Variants in LRMDA observed in about 807,000 individuals in gnomAD.
LRMDA encodes the protein leucine rich melanocyte differentiation associated.
Under a neutral mutation model 29.8 loss-of-function variants are expected in LRMDA, and 18 were observed. The ratio of observed to expected loss-of-function variants is 0.60; its 90% CI spans 0.42 to 0.90. The LOEUF (loss-of-function observed/expected upper bound fraction) is 0.90. Among genes scored for constraint, LRMDA ranks in the 40% least tolerant of loss-of-function variants. LRMDA has a pLI of 0.00. For synonymous variants in LRMDA, 125 were observed against 109.4 expected, an observed-to-expected ratio of 1.14 and a Z score of -0.89; for missense variants, 273 against 273.9, an observed-to-expected ratio of 1.00 and a Z score of 0.02.
intron 6 of LRMDA, among the ~76,000 whole-genome samples, chr10:76,517,327 G>A (rs1233799025): frequency 6.6e-6 from 1 of 152,092 alleles, no homozygotes; most frequent in Non-Finnish European, 1.5e-5. Flanking sequence ...AAAACAAAGA[G>A]AAGATTTTAT....
At chr10:76,262,412 A>G (rs1411660766) in intron 5 of LRMDA, among the ~76,000 whole-genome samples, 3 of 152,194 alleles carry the variant, frequency 2.0e-5, no homozygotes, top group African/African-American at 4.8e-5. Context: ...CGTGAAAAGA[A>G]CAAAGTGGGG....
At chr10:75,660,227 G>A (rs1168270429) in intron 2 of LRMDA, among the ~76,000 whole-genome samples, 2 of 152,140 alleles carry the variant, frequency 1.3e-5, no homozygotes, top group African/African-American at 2.4e-5. Flanking sequence ...ATCTTTTGAT[G>A]TCCCTTCCCT....
intron 2 of LRMDA, among the ~76,000 whole-genome samples, chr10:75,538,327 G>A (rs1249597134): frequency 6.6e-6 from 1 of 152,150 alleles, no homozygotes; most frequent in Non-Finnish European, 1.5e-5. Context: ...CCCTGCAGCA[G>A]TACTTGAAAC....
At chr10:75,730,455 C>G (rs1360734357) in intron 2 of LRMDA, among the ~76,000 whole-genome samples, 2 of 152,148 alleles carry the variant, frequency 1.3e-5, no homozygotes, top group Non-Finnish European at 2.9e-5. Flanking sequence ...GCAGGGTGCT[C>G]TAGCACTCTG....
chr10:76,491,853 G>T (rs1353995651), intron 6 of LRMDA, among the ~76,000 whole-genome samples: 2 of 151,818 alleles, frequency 1.3e-5, no homozygotes, highest in Non-Finnish European at 2.9e-5. Context: ...TTATAGGTGT[G>T]CTTCATTATT....
intron 6 of LRMDA, among the ~76,000 whole-genome samples, chr10:76,524,749 G>T (rs1285680015): frequency 6.6e-6 from 1 of 152,180 alleles, no homozygotes; most frequent in Non-Finnish European, 1.5e-5. Context: ...GAAGGACCAG[G>T]GTAGCTAAAA....
At chr10:75,825,505 AGGTAAGGCT>A (rs1179284683) in intron 2 of LRMDA, among the ~76,000 whole-genome samples, 3 of 152,198 alleles carry the variant, frequency 2.0e-5, no homozygotes, top group African/African-American at 4.8e-5. Flanking sequence ...ATTTTTTATG[AGGTAAGGCT>A]GCCTGGAGAT....
chr10:76,288,813 T>C (rs1005748275), intron 5 of LRMDA, among the ~76,000 whole-genome samples: 1 of 152,222 alleles, frequency 6.6e-6, no homozygotes, highest in Non-Finnish European at 1.5e-5. Context: ...TCTTGGAAAA[T>C]TGCTTGGGAT....
At chr10:75,710,377 A>G (rs920207449) in intron 2 of LRMDA, among the ~76,000 whole-genome samples, 3 of 152,204 alleles carry the variant, frequency 2.0e-5, no homozygotes, top group Non-Finnish European at 4.4e-5. Context: ...TACTAACAAT[A>G]CGGTTAATAG....
chr10:76,150,567 A>T (rs1850421340), intron 5 of LRMDA, among the ~76,000 whole-genome samples: 1 of 152,202 alleles, frequency 6.6e-6, no homozygotes, highest in Non-Finnish European at 1.5e-5. Flanking sequence ...GGTTAAATGA[A>T]GTCTTCACAA....
intron 2 of LRMDA, among the ~76,000 whole-genome samples, chr10:75,801,906 T>A (rs1843749508): frequency 6.6e-6 from 1 of 152,156 alleles, no homozygotes; most frequent in Non-Finnish European, 1.5e-5. Flanking sequence ...ACAAAATGAT[T>A]TGTTGAGAGC....
intron 2 of LRMDA, among the ~76,000 whole-genome samples, chr10:75,617,940 C>T (rs1462681074): frequency 1.3e-5 from 2 of 152,190 alleles, no homozygotes; most frequent in African/African-American, 4.8e-5. Context: ...CCTTTGTCGC[C>T]TTGGCTAGAA....
intron 6 of LRMDA, among the ~76,000 whole-genome samples, chr10:76,406,345 G>A (rs891209940): frequency 6.6e-6 from 1 of 152,194 alleles, no homozygotes; most frequent in African/African-American, 2.4e-5. Context: ...GGAGAGAGGT[G>A]TGAATATCCT....
chr10:75,895,128 C>G (rs1252816297), intron 2 of LRMDA, among the ~76,000 whole-genome samples: 4 of 152,140 alleles, frequency 2.6e-5, no homozygotes, highest in Non-Finnish European at 5.9e-5. Context: ...GTGGTTACCA[C>G]CATCCTTTAT....
intron 2 of LRMDA, among the ~76,000 whole-genome samples, chr10:75,905,433 A>T (rs1169947927): frequency 6.6e-6 from 1 of 152,060 alleles, no homozygotes; most frequent in Non-Finnish European, 1.5e-5. Flanking sequence ...AATAATTCAA[A>T]TGCTTCTAGC....
At chr10:75,665,690 A>G (rs528405029) in intron 2 of LRMDA, among the ~76,000 whole-genome samples, 49 of 152,342 alleles carry the variant, frequency 3.2e-4, no homozygotes, top group African/African-American at 1.0e-3. Flanking sequence ...TGTCAGGAAA[A>G]ATTGTGAAAG....
chr10:76,140,472 G>A lies in LRMDA; in HGVS notation c.516+81689G>A, dbSNP rs184479973. ...TGTTTCATTTCAAGATGGTATTTAA[G>A]CCTGAACTCAAGCCACCTTTTTAAG... On this transcript the variant is annotated intron_variant, in intron 5 of 6. Transcript: ENST00000611255. Among the ~76,000 whole-genome samples, 285 of 152,160 alleles carry A rather than the reference G, an allele frequency of 1.9e-3. 7 individuals carry two copies. Among genetic ancestry groups the A allele is most frequent in the Admixed American group, 0.018 (282 of 15,276 alleles).
intron 2 of LRMDA, among the ~76,000 whole-genome samples, chr10:75,704,413 A>G (rs748338256): frequency 3.2e-4 from 48 of 152,196 alleles, no homozygotes; most frequent in Admixed American, 8.5e-4. Flanking sequence ...AATCCATTTT[A>G]AGCCAGTGAA....
At chr10:76,207,821 G>T (rs985344569) in intron 5 of LRMDA, among the ~76,000 whole-genome samples, 7 of 152,084 alleles carry the variant, frequency 4.6e-5, no homozygotes, top group African/African-American at 1.7e-4. Context: ...AAAGTTAGCT[G>T]GGCGTGGTGG....
Sources: allele counts gnomAD v4.1 joint callset (sites outside exome capture counted in the v4.1 genomes callset), GRCh38; gene constraint gnomAD v4.1.1; transcripts MANE v1.5; gene names NCBI Gene and HGNC (gene_info 2026-07-23, HGNC 2026-07-21).